Variants in CTNNA3 observed in about 807,000 individuals in gnomAD.
CTNNA3 encodes the protein catenin alpha 3.
Under a neutral mutation model 95.7 loss-of-function variants are expected in CTNNA3, and 76 were observed. The ratio of observed to expected loss-of-function variants is 0.79; its 90% CI spans 0.66 to 0.96. CTNNA3 has a LOEUF of 0.96. Among genes scored for constraint, CTNNA3 ranks in the 40% least tolerant of loss-of-function variants. The pLI is 0.00. For synonymous variants in CTNNA3, 431 were observed against 374.4 expected (o/e 1.15, Z -1.74); for missense variants, 1,191 against 1,089.8 (o/e 1.09, Z -1.31).
intron 6 of CTNNA3, among the ~76,000 whole-genome samples, chr10:67,203,513 C>T (rs1290370039): frequency 6.6e-6 from 1 of 152,140 alleles, no homozygotes; most frequent in East Asian, 1.9e-4. Context: ...CACCATTCTT[C>T]CAAGCATAGA....
chr10:67,314,895 C>T (rs888999734), intron 5 of CTNNA3, among the ~76,000 whole-genome samples: 1 of 152,160 alleles, frequency 6.6e-6, no homozygotes, highest in Non-Finnish European at 1.5e-5. Context: ...TTATCAGCGA[C>T]CCAAATGACT....
intron 12 of CTNNA3, among the ~76,000 whole-genome samples, chr10:66,375,506 C>T (rs143663829): frequency 1.9e-4 from 29 of 151,714 alleles, no homozygotes; most frequent in African/African-American, 4.1e-4. Flanking sequence ...CAAACACTGC[C>T]GGACTGCAGA....
At chr10:66,747,231 T>C (rs1160249214) in intron 9 of CTNNA3, among the ~76,000 whole-genome samples, 3 of 152,226 alleles carry the variant, frequency 2.0e-5, no homozygotes. Context: ...TTTTTTACTG[T>C]GTGTTCATAT....
chr10:67,125,500 A>G (rs145038558), intron 7 of CTNNA3, among the ~76,000 whole-genome samples: 42 of 152,306 alleles, frequency 2.8e-4, no homozygotes, highest in Middle Eastern at 3.4e-3. Flanking sequence ...ATAAATTTAT[A>G]CCATTCCTCA....
chr10:67,274,700 G>T (rs763755347), intron 5 of CTNNA3, among the ~76,000 whole-genome samples: 4 of 151,950 alleles, frequency 2.6e-5, no homozygotes, highest in Non-Finnish European at 5.9e-5. Context: ...ACAGTGGTGT[G>T]TGCCTGTGTC....
chr10:66,485,870 C>G (rs901087586), intron 11 of CTNNA3, among the ~76,000 whole-genome samples: 2 of 152,136 alleles, frequency 1.3e-5, no homozygotes, highest in East Asian at 3.9e-4. Context: ...ACCAAAACAG[C>G]ATGGTTGGCA....
At chr10:66,328,731 G>A (rs1346067465) in intron 12 of CTNNA3, among the ~76,000 whole-genome samples, 1 of 151,156 alleles carries the variant, frequency 6.6e-6, no homozygotes, top group Non-Finnish European at 1.5e-5. Context: ...CTGCAGGCTG[G>A]AGACCCACTA....
intron 7 of CTNNA3, among the ~76,000 whole-genome samples, chr10:66,880,269 G>C (rs1035402046): frequency 6.6e-6 from 1 of 152,010 alleles, no homozygotes; most frequent in Non-Finnish European, 1.5e-5. Context: ...GAAAAAAGTA[G>C]GTACAAGCTC....
chr10:66,665,688 G>A (rs1019330609), intron 9 of CTNNA3, among the ~76,000 whole-genome samples: 19 of 152,164 alleles, frequency 1.2e-4, no homozygotes, highest in African/African-American at 4.6e-4. Flanking sequence ...AAGGCCTGAT[G>A]TTCTAAAAGT....
intron 16 of CTNNA3, among the ~76,000 whole-genome samples, chr10:65,982,850 T>C (rs925283692): frequency 1.3e-5 from 2 of 151,368 alleles, no homozygotes; most frequent in Admixed American, 1.3e-4. Flanking sequence ...AAGGTGTATC[T>C]AGGAATTATA....
chr10:67,236,150 C>T (rs1013599608), intron 5 of CTNNA3, among the ~76,000 whole-genome samples: 1 of 147,592 alleles, frequency 6.8e-6, no homozygotes, highest in Non-Finnish European at 1.5e-5. Flanking sequence ...ACCCAGCCAT[C>T]CCATTACTGG....
At chr10:66,255,372 C>T (rs2064856592) in intron 13 of CTNNA3, among the ~76,000 whole-genome samples, 1 of 152,126 alleles carries the variant, frequency 6.6e-6, no homozygotes, top group African/African-American at 2.4e-5. Flanking sequence ...TCCTATTTGC[C>T]CTTGGGTTGC....
At chr10:67,728,323 G>A (rs892548834) in intron 1 of CTNNA3, among the ~76,000 whole-genome samples, 3 of 148,756 alleles carry the variant, frequency 2.0e-5, no homozygotes, top group Non-Finnish European at 4.5e-5. Flanking sequence ...CATGATGGTG[G>A]GTACCTGTAA....
At chr10:66,840,865 C>T (rs886580486) in intron 7 of CTNNA3, among the ~76,000 whole-genome samples, 2 of 152,034 alleles carry the variant, frequency 1.3e-5, no homozygotes, top group Non-Finnish European at 2.9e-5. Flanking sequence ...TGGCTTAGCC[C>T]GTGACTAACC....
chr10:66,700,465 C>T (rs1847907616), intron 9 of CTNNA3, among the ~76,000 whole-genome samples: 1 of 152,064 alleles, frequency 6.6e-6, no homozygotes, highest in African/African-American at 2.4e-5. Context: ...TATTTCTGGG[C>T]TTTTTATTCT....
rs1298175611 is a variant in CTNNA3 at position 66,360,659 on chromosome 10, C to CTT, written c.1732+18491_1732+18492dup. On this transcript the variant is annotated intron_variant, in intron 12 of 17. Transcript: ENST00000433211. ...TCTTTCTTTCTTTCTTTCTTTCTTT[C>CTT]TTCCTTCCTTCCTTCCTTCCTTCCT... 8.8e-4 allele frequency among the ~76,000 whole-genome samples: 27 copies of CTT among 30,572 alleles called. 2 individuals are homozygous for CTT. The highest frequency in any genetic ancestry group is 1.9e-3 in the East Asian group (1 of 514). The allele number at this position is 30,572 out of a possible 152,430, so 20.1% of individuals were successfully genotyped here.
intron 7 of CTNNA3, among the ~76,000 whole-genome samples, chr10:66,878,083 T>G (rs971611719): frequency 6.6e-6 from 1 of 152,068 alleles, no homozygotes; most frequent in Non-Finnish European, 1.5e-5. Context: ...AGGAAAGCAA[T>G]AGCTTGGATA....
At chr10:66,285,128 T>A (rs1272931839) in intron 12 of CTNNA3, among the ~76,000 whole-genome samples, 2 of 151,810 alleles carry the variant, frequency 1.3e-5, no homozygotes, top group African/African-American at 4.8e-5. Flanking sequence ...TTATCACACA[T>A]CACATGGTTA....
In CTNNA3 at chr10:65,918,052, T is replaced by C. The variant is rs935755404; in HGVS notation, c.*2278A>G. On this transcript the variant is annotated 3_prime_UTR_variant, in exon 18 of 18. Transcript: ENST00000433211. ...TTTTTATTGTTTTATTTAATTATAG[T>C]TTGCTTTGAGCTAAGCTGAAAATCT... The C allele has an allele frequency of 2.0e-5, 3 of 152,176 alleles. No homozygotes were observed. The highest frequency in any genetic ancestry group is 4.4e-5 in the Non-Finnish European group (3 of 68,030). The allele number at this position is 152,176 out of a possible 1,614,324, so 9.4% of individuals were successfully genotyped here.
Sources: allele counts gnomAD v4.1 joint callset (sites outside exome capture counted in the v4.1 genomes callset), GRCh38; gene constraint gnomAD v4.1.1; transcripts MANE v1.5; gene names NCBI Gene and HGNC (gene_info 2026-07-23, HGNC 2026-07-21).